Variants in PRICKLE2 observed in about 807,000 individuals in gnomAD.
PRICKLE2 encodes the protein prickle-like protein 2.
In PRICKLE2, 21 loss-of-function variants were observed where a neutral mutation model predicts 81.4. The ratio of observed to expected loss-of-function variants is 0.26; its 90% CI spans 0.18 to 0.37. The LOEUF (loss-of-function observed/expected upper bound fraction) is 0.37, where lower values mean the gene tolerates loss of function less well. Among genes scored for constraint, PRICKLE2 ranks in the 10% least tolerant of loss-of-function variants. The pLI is 1.00. For synonymous variants in PRICKLE2, 456 were observed against 421.5 expected, an observed-to-expected ratio of 1.08 and a Z score of -1.00; for missense variants, 940 against 1,109.0, an observed-to-expected ratio of 0.85 and a Z score of 2.16.
intron 7 of PRICKLE2, among the ~76,000 whole-genome samples, chr3:64,135,009 A>C (rs2077256160): frequency 6.6e-6 from 1 of 152,218 alleles, no homozygotes; most frequent in African/African-American, 2.4e-5. Context: ...GCTCACTCCT[A>C]GGCAGCAGAG....
intron 2 of PRICKLE2, among the ~76,000 whole-genome samples, chr3:64,246,480 C>T (rs2079356512): frequency 1.3e-5 from 2 of 152,172 alleles, no homozygotes; most frequent in East Asian, 1.9e-4. Context: ...TTTTGATCTT[C>T]GTATTTCTCT....
intron 7 of PRICKLE2, among the ~76,000 whole-genome samples, chr3:64,143,238 GA>G (rs2077391646): frequency 6.6e-6 from 1 of 152,164 alleles, no homozygotes; most frequent in African/African-American, 2.4e-5. Flanking sequence ...CTAATGGCCT[GA>G]AATTTTAATT....
chr3:64,099,729 T>C lies in PRICKLE2; in HGVS notation c.1857A>G (p.Gly619=). 1 of 1,614,134 alleles carries C rather than the reference T, an allele frequency of 6.2e-7. No individual in the cohort carries two copies. The highest frequency in any genetic ancestry group is 8.5e-7 in the Non-Finnish European group (1 of 1,179,968). Residue 619 remains glycine, a synonymous_variant, in exon 8 of 8, where the codon GGA becomes GGG. Transcript: ENST00000638394. This position sits in a 1 kb window ranked among gnomAD's most constrained non-coding sequence, Gnocchi z 4.3. ...TGGGGTTGCTGAGCTGGTGGAGGTTTCCCTCCATCTCCTGGTACTGCTGGG... is the reference window on the plus strand; with the variant it reads ...TGGGGTTGCTGAGCTGGTGGAGGTTCCCCTCCATCTCCTGGTACTGCTGGG... ...LSAQQYQEME[G]NLHQLSNPIG...
chr3:64,191,980 A>G (rs2078350917), intron 2 of PRICKLE2, among the ~76,000 whole-genome samples: 1 of 152,188 alleles, frequency 6.6e-6, no homozygotes, highest in Non-Finnish European at 1.5e-5. Flanking sequence ...GAGCTGCCTC[A>G]GGTTTGCTAA....
rs1430626832 is a variant in PRICKLE2 at position 64,099,087 on chromosome 3, C to T, written c.2499G>A (p.Arg833=). 5.0e-6 allele frequency: 8 copies of T among 1,614,104 alleles called. No homozygotes were observed. The highest frequency in any genetic ancestry group is 1.3e-5 in the African/African-American group (1 of 74,932). ...TACAGTTTTTGCTCTTCTGTCTTTTCCTGCTGTGCAACTGTCCTCTGCCAC... is the reference window on the plus strand; with the variant it reads ...TACAGTTTTTGCTCTTCTGTCTTTTTCTGCTGTGCAACTGTCCTCTGCCAC... ...TLGGRGQLHS[R]KRQKSKNCII... is the part of the protein sequence containing the mutation. Residue 833 remains arginine, a synonymous_variant, in exon 8 of 8, where the codon AGG becomes AGA. Transcript: ENST00000638394. This position sits in a 1 kb window ranked among gnomAD's most constrained non-coding sequence, Gnocchi z 4.3.
intron 7 of PRICKLE2, among the ~76,000 whole-genome samples, chr3:64,113,028 A>G (rs979712707): frequency 2.6e-5 from 4 of 152,088 alleles, no homozygotes; most frequent in Non-Finnish European, 5.9e-5. Context: ...TTGAACAACA[A>G]CAGCTCAGGG....
intron 7 of PRICKLE2, among the ~76,000 whole-genome samples, chr3:64,113,152 C>G (rs1330522447): frequency 6.6e-6 from 1 of 152,166 alleles, no homozygotes; most frequent in African/African-American, 2.4e-5. Flanking sequence ...GCAGGGAGGG[C>G]TGCTTAGGGA....
At chr3:64,169,772 C>G (rs1157178643) in intron 2 of PRICKLE2, among the ~76,000 whole-genome samples, 2 of 152,220 alleles carry the variant, frequency 1.3e-5, no homozygotes, top group African/African-American at 4.8e-5. Context: ...CGTGCCCCCT[C>G]ACCTGCAGTT....
At chr3:64,260,798 T>C (rs140452701) in intron 2 of PRICKLE2, among the ~76,000 whole-genome samples, 4 of 152,344 alleles carry the variant, frequency 2.6e-5, no homozygotes, top group African/African-American at 9.6e-5. Context: ...TCTGGGGCAC[T>C]AAACATACAG....
At chr3:64,105,090 C>G (rs1452830699) in intron 7 of PRICKLE2, among the ~76,000 whole-genome samples, 1 of 152,128 alleles carries the variant, frequency 6.6e-6, no homozygotes, top group African/African-American at 2.4e-5. Context: ...CTCCCTGTCT[C>G]CCCAAACACA....
chr3:64,095,386 A>G lies in PRICKLE2; in HGVS notation c.*3665T>C, dbSNP rs1227125701. On this transcript the variant is annotated 3_prime_UTR_variant, in exon 8 of 8. Coordinates refer to ENST00000638394, the MANE Select transcript of PRICKLE2 (RefSeq NM_198859.4). ...ACCAAGAGTGGAAAGACAGATATGA[A>G]TCAGTTCACAAATAAGATTGGTTAT... 1 of 152,208 alleles carries G rather than the reference A, an allele frequency of 6.6e-6. No individual in the cohort carries two copies. The highest frequency in any genetic ancestry group is 2.4e-5 in the African/African-American group (1 of 41,460). 9.4% of individuals were successfully genotyped at this position (152,208 alleles called of 1,614,324 possible). A position where few individuals can be genotyped will look rare whatever the true frequency, so the allele number is the denominator to read the frequency against.
rs974739107 is a variant in PRICKLE2, at chr3:64,094,631, T to C, written c.*4420A>G. 2.6e-5 allele frequency: 4 copies of C among 152,228 alleles called. No individual in the cohort carries two copies. Among genetic ancestry groups the C allele is most frequent in the African/African-American group, 9.6e-5 (4 of 41,458 alleles). 9.4% of individuals were successfully genotyped at this position (152,228 alleles called of 1,614,324 possible). A position where few individuals can be genotyped will look rare whatever the true frequency, so the allele number is the denominator to read the frequency against. On this transcript the variant is annotated 3_prime_UTR_variant, in exon 8 of 8. Coordinates refer to ENST00000638394, the MANE Select transcript of PRICKLE2 (RefSeq NM_198859.4). ...GAGTCTTGTGTTGACTAGGCTACTA[T>C]TATGAGAAAATGGAAAAAGAATCCA... is the stretch of plus-strand genomic sequence containing the variant.
intron 7 of PRICKLE2, among the ~76,000 whole-genome samples, chr3:64,118,790 A>T (rs1359880789): frequency 6.6e-6 from 1 of 152,044 alleles, no homozygotes; most frequent in Non-Finnish European, 1.5e-5. Context: ...GGTGTCGATT[A>T]GTTCAACCAC....
chr3:64,107,712 T>TG (rs1233694014), intron 7 of PRICKLE2, among the ~76,000 whole-genome samples: 3 of 152,180 alleles, frequency 2.0e-5, no homozygotes, highest in African/African-American at 4.8e-5. Flanking sequence ...CCAGGCATAG[T>TG]GGTGTGCACC....
intron 2 of PRICKLE2, among the ~76,000 whole-genome samples, chr3:64,195,201 G>C (rs1052987156): frequency 1.3e-5 from 2 of 152,190 alleles, no homozygotes; most frequent in Non-Finnish European, 2.9e-5. Context: ...TCAGTCATTA[G>C]AGATCACAAG....
At chr3:64,114,991 C>T (rs986322227) in intron 7 of PRICKLE2, among the ~76,000 whole-genome samples, 1 of 152,216 alleles carries the variant, frequency 6.6e-6, no homozygotes, top group African/African-American at 2.4e-5. Context: ...ATCAGACTGA[C>T]AGCAGACTTC....
intron 1 of PRICKLE2, among the ~76,000 whole-genome samples, chr3:64,207,742 G>C (rs559330472): frequency 9.5e-4 from 145 of 152,206 alleles, no homozygotes; most frequent in Admixed American, 1.8e-3. Flanking sequence ...AAAAAAATCT[G>C]ACAACCAGAT....
At chr3:64,248,603 A>G (rs2079394529) in intron 2 of PRICKLE2, among the ~76,000 whole-genome samples, 1 of 152,106 alleles carries the variant, frequency 6.6e-6, no homozygotes, top group South Asian at 2.1e-4. Context: ...CCCAGCTGGA[A>G]AAACCTTGTC....
chr3:64,210,543 C>T (rs938079043), intron 1 of PRICKLE2, among the ~76,000 whole-genome samples: 4 of 152,164 alleles, frequency 2.6e-5, no homozygotes, highest in Non-Finnish European at 4.4e-5. Context: ...TGGGCTCCAG[C>T]GGCTCTGGCC....
Sources: allele counts gnomAD v4.1 joint callset (sites outside exome capture counted in the v4.1 genomes callset), GRCh38; gene constraint gnomAD v4.1.1; non-coding constraint Gnocchi (gnomAD v3.1); transcripts MANE v1.5; gene names NCBI Gene and HGNC (gene_info 2026-07-23, HGNC 2026-07-21).